Variants in TRA2A observed in about 807,000 individuals in gnomAD.
TRA2A encodes the protein transformer 2 alpha homolog, also known as transformer-2 protein homolog alpha.
In TRA2A, 31 loss-of-function variants were observed where a neutral mutation model predicts 45.7. The ratio of observed to expected loss-of-function variants is 0.68; its 90% CI spans 0.51 to 0.92. TRA2A has a LOEUF of 0.92. Among genes scored for constraint, TRA2A ranks in the 40% least tolerant of loss-of-function variants. The probability of loss-of-function intolerance (pLI) is 0.00; values close to 1 mark genes in which losing one functional copy is unlikely to be tolerated. For synonymous variants in TRA2A, 132 were observed against 126.2 expected (o/e 1.05, Z -0.31); for missense variants, 304 against 367.5 (o/e 0.83, Z 1.41).
intron 3 of TRA2A, among the ~76,000 whole-genome samples, chr7:23,514,843 T>TA (rs1351042494): frequency 6.6e-6 from 1 of 152,178 alleles, no homozygotes; most frequent in African/African-American, 2.4e-5. Context: ...TTCAAAACAT[T>TA]AAATAATGAC....
At chr7:23,506,543 G>C in intron 5 of TRA2A, 1 of 391,930 alleles carries the variant, frequency 2.6e-6, no homozygotes, top group Admixed American at 4.2e-5. Context: ...AAATTGAAAC[G>C]ATGAAGCACT....
chr7:23,511,738 C>T (rs1167373927), intron 4 of TRA2A, among the ~76,000 whole-genome samples: 1 of 152,010 alleles, frequency 6.6e-6, no homozygotes, highest in Non-Finnish European at 1.5e-5. Flanking sequence ...TAAAGCAAGC[C>T]TACCACTTCC....
intron 2 of TRA2A, among the ~76,000 whole-genome samples, chr7:23,517,504 A>AAAAAAAAAAAAAG: frequency 7.8e-6 from 1 of 127,854 alleles, no homozygotes; most frequent in Non-Finnish European, 1.7e-5. Context: ...AAAAAAAAAA[A>AAAAAAAAAAAAAG]GAGAGAAAGA....
intron 3 of TRA2A, 89 bp from the exon 4 acceptor site, chr7:23,513,171 T>C (rs1789703998): frequency 2.4e-6 from 2 of 839,154 alleles, no homozygotes; most frequent in Non-Finnish European, 3.6e-6. Flanking sequence ...CCTCATCTAA[T>C]ACACAATAAA....
At chr7:23,530,340 G>C (rs1286620235) in intron 1 of TRA2A, among the ~76,000 whole-genome samples, 2 of 152,086 alleles carry the variant, frequency 1.3e-5, no homozygotes, top group African/African-American at 2.4e-5. Flanking sequence ...AGTCTACCGG[G>C]TAACTATTAT....
intron 4 of TRA2A, among the ~76,000 whole-genome samples, chr7:23,512,076 A>G (rs1789649580): frequency 6.6e-6 from 1 of 152,224 alleles, no homozygotes; most frequent in Non-Finnish European, 1.5e-5. Flanking sequence ...TTAAACACAT[A>G]TAGCTCACTT....
intron 2 of TRA2A, among the ~76,000 whole-genome samples, chr7:23,519,758 G>A (rs1300471456): frequency 6.6e-6 from 1 of 152,132 alleles, no homozygotes; most frequent in African/African-American, 2.4e-5. Flanking sequence ...TAAAACTAAT[G>A]AGGAAAGACC....
At chr7:23,524,693 ATTTTT>A (rs10707106) in intron 1 of TRA2A, among the ~76,000 whole-genome samples, 3 of 143,044 alleles carry the variant, frequency 2.1e-5, no homozygotes, top group Non-Finnish European at 4.6e-5. Context: ...GATTTTAACT[ATTTTT>A]TTTTTTTTTG....
intron 4 of TRA2A, among the ~76,000 whole-genome samples, chr7:23,512,251 C>A (rs186800962): frequency 6.6e-6 from 1 of 152,094 alleles, no homozygotes; most frequent in Non-Finnish European, 1.5e-5. Flanking sequence ...CCTGTAAACC[C>A]AGCATTCTGG....
At chr7:23,513,746 G>T (rs1384395295) in intron 3 of TRA2A, among the ~76,000 whole-genome samples, 1 of 152,158 alleles carries the variant, frequency 6.6e-6, no homozygotes, top group Admixed American at 6.6e-5. Context: ...AAAGGAGACA[G>T]GGTCATTTAT....
At chr7:23,531,563 A>G in intron 1 of TRA2A, 2 of 593,604 alleles carry the variant, frequency 3.4e-6, no homozygotes, top group Non-Finnish European at 3.0e-6. Context: ...AGGACCCAGA[A>G]GTCCAGGTAT....
Position 23,528,050 on chromosome 7 carries a change from C to A in TRA2A, c.36+3739G>T, listed in dbSNP as rs549783859. Among the ~76,000 whole-genome samples, 3 of 152,164 alleles carry A rather than the reference C, an allele frequency of 2.0e-5. No homozygotes were observed. In the East Asian group the frequency reaches 5.8e-4, roughly 29 times the overall value. On this transcript the variant is annotated intron_variant, in intron 1 of 7. Transcript: ENST00000297071. ...CTCTCTTAGGTTAACACTATCCCTACTATAAGAAAGAAAGCTTTACCCTTA... is the reference window on the plus strand; with the variant it reads ...CTCTCTTAGGTTAACACTATCCCTAATATAAGAAAGAAAGCTTTACCCTTA...
intron 1 of TRA2A, 134 bp downstream of exon 1, chr7:23,531,655 G>T: frequency 1.1e-6 from 1 of 895,526 alleles, no homozygotes; most frequent in Non-Finnish European, 1.7e-6. Context: ...TCTTGGGATG[G>T]GAGGAATCAA....
Position 23,512,545 on chromosome 7 carries a change from G to A in TRA2A, c.525+349C>T, listed in dbSNP as rs191221122. 8.2e-3 allele frequency among the ~76,000 whole-genome samples: 1,241 copies of A among 152,006 alleles called. 11 individuals carry two copies. Among genetic ancestry groups the A allele is most frequent in the Non-Finnish European group, 0.012 (782 of 67,972 alleles). ...GCAATCTCGGCTCACTGTAAGCTCT[G>A]CCTCCCGGGTTCGCGCCATTCTCCT... On this transcript the variant is annotated intron_variant, in intron 4 of 7. Transcript: ENST00000297071.
chr7:23,516,646 G>A (rs1789885462), intron 2 of TRA2A, 118 bp from the exon 3 acceptor site: 2 of 843,186 alleles, frequency 2.4e-6, no homozygotes, highest in Non-Finnish European at 3.7e-6. Flanking sequence ...CCTTGCTTCT[G>A]AGGAAAGGGT....
rs558012092 is a variant in TRA2A, at chr7:23,505,270, T to C, written c.*289A>G. The C allele has an allele frequency of 2.0e-4, 67 of 336,120 alleles. 4 individuals carry two copies. In the South Asian group the frequency reaches 9.1e-3, roughly 46 times the overall value. The allele number at this position is 336,120 out of a possible 1,614,324, so 20.8% of individuals were successfully genotyped here. ...TTTCCTTATTTGATTAGCTAGAAGT[T>C]TATCTAGGTAAAAGCAAAAAAAAAA... On this transcript the variant is annotated 3_prime_UTR_variant, in exon 8 of 8. Coordinates refer to ENST00000297071, the MANE Select transcript of TRA2A (RefSeq NM_013293.5).
chr7:23,513,167 CTA>C, intron 3 of TRA2A, 85 bp from the exon 4 acceptor site: 11 of 864,164 alleles, frequency 1.3e-5, no homozygotes, highest in Non-Finnish European at 1.9e-5. Context: ...AACACCTCAT[CTA>C]ATACACAATA....
At chr7:23,516,294 G>A (rs1584124806) in intron 3 of TRA2A, 69 bp downstream of exon 3, 2 of 1,540,928 alleles carry the variant, frequency 1.3e-6, no homozygotes, top group South Asian at 1.2e-5. Context: ...TCCCCTAAAA[G>A]CAAGATATGC....
intron 3 of TRA2A, among the ~76,000 whole-genome samples, chr7:23,513,649 G>C (rs1482808299): frequency 6.6e-6 from 1 of 152,070 alleles, no homozygotes; most frequent in Non-Finnish European, 1.5e-5. Context: ...AATAGCACTT[G>C]AACATACATT....
Sources: gnomAD v4.1 joint callset for allele counts (sites outside exome capture counted in the v4.1 genomes callset) on GRCh38, gnomAD v4.1.1 for gene constraint, MANE v1.5 for transcripts, NCBI Gene and HGNC (gene_info 2026-07-23, HGNC 2026-07-21) for gene names.